Variants in PEX11G observed in about 807,000 individuals in gnomAD.
The protein encoded by PEX11G is peroxisomal membrane protein 11C.
Under a neutral mutation model 22.5 loss-of-function variants are expected in PEX11G, and 20 were observed. The observed-to-expected ratio is 0.89, with a 90% CI of 0.62 to 1.29. The LOEUF is 1.29. Among genes scored for constraint, PEX11G ranks in the 50% most tolerant of loss-of-function variants. The pLI is 0.00. For synonymous variants in PEX11G, 141 were observed against 154.5 expected (o/e 0.91, Z 0.65); for missense variants, 347 against 331.3 (o/e 1.05, Z -0.37).
At chr19:7,478,280 T>G in intron 4 of PEX11G, 34 bp downstream of exon 4, 2 of 1,600,388 alleles carry the variant, frequency 1.2e-6, no homozygotes, top group African/African-American at 1.3e-5. Context: ...CTGGAGGGAG[T>G]GGGCCTCCCT....
At chr19:7,491,405 G>C (rs74176238), upstream of PEX11G, among the ~76,000 whole-genome samples, 14 of 151,622 alleles carry the variant, frequency 9.2e-5, no homozygotes, top group African/African-American at 3.4e-4. Flanking sequence ...AAGTGGCTGA[G>C]AGTACAGGTG....
At chr19:7,479,150 G>C (rs1977376232) in intron 3 of PEX11G, among the ~76,000 whole-genome samples, 1 of 152,190 alleles carries the variant, frequency 6.6e-6, no homozygotes, top group Non-Finnish European at 1.5e-5. Context: ...TGGGGGGCTA[G>C]GGAAAAACAC....
chr19:7,488,781 A>C (rs1568384251), intron 1 of PEX11G, among the ~76,000 whole-genome samples, 170 bp downstream of exon 1: 1 of 152,186 alleles, frequency 6.6e-6, no homozygotes, highest in Admixed American at 6.6e-5. Context: ...CAGCCAAAAT[A>C]AATAAATACA....
intron 2 of PEX11G, among the ~76,000 whole-genome samples, chr19:7,484,962 A>C (rs1023927016): frequency 1.3e-5 from 2 of 152,198 alleles, no homozygotes; most frequent in African/African-American, 4.8e-5. Context: ...TGAAATTTTT[A>C]AAAGTAATAA....
At chr19:7,491,096 A>T (rs1323077934), upstream of PEX11G, 1 of 150,868 alleles carries the variant, frequency 6.6e-6, no homozygotes. Context: ...TAATTCTTTC[A>T]TTGCAAGGAT....
At chr19:7,488,197 G>A (rs2021749231) in intron 1 of PEX11G, among the ~76,000 whole-genome samples, 1 of 152,232 alleles carries the variant, frequency 6.6e-6, no homozygotes, top group African/African-American at 2.4e-5. Flanking sequence ...CAGCCAGGCT[G>A]GGTTGGCAGA....
chr19:7,479,792 C>T (rs535024590), intron 3 of PEX11G, among the ~76,000 whole-genome samples: 12 of 152,332 alleles, frequency 7.9e-5, no homozygotes, highest in African/African-American at 2.4e-4. Context: ...CAAAACCTAG[C>T]GTGAACCCTA....
At chr19:7,486,186 G>T (rs1018061186) in intron 1 of PEX11G, among the ~76,000 whole-genome samples, 160 bp from the exon 2 acceptor site, 2 of 152,126 alleles carry the variant, frequency 1.3e-5, no homozygotes, top group Admixed American at 1.3e-4. Flanking sequence ...GAGTGCAGTG[G>T]CACGATCTCG....
Position 7,485,843 on chromosome 19 carries a change from C to G in PEX11G, c.244G>C (p.Ala82Pro), listed in dbSNP as rs142752144. 11 of 1,593,596 alleles carry G rather than the reference C, an allele frequency of 6.9e-6. No individual in the cohort carries two copies. The African/African-American group carries it at 1.3e-4, about 19-fold the overall frequency. Residue 82 changes from alanine (A) to proline (P), a missense_variant, in exon 2 of 5, where the codon GCA (alanine) becomes CCA (proline). Physicochemically the swap from Ala to Pro is conservative, Grantham distance 27 (BLOSUM62 -1). Coordinates refer to ENST00000221480, the MANE Select transcript of PEX11G (RefSeq NM_080662.4). ...AGCCCCACAAACCCTGTTACCTGTG[C>G]CCCCAGGCCATATTGCTTAGTGTAG... The part of the protein sequence containing the change: ...FVYTKQYGLG[A>P]QEEDAFVRCV...
intron 3 of PEX11G, among the ~76,000 whole-genome samples, chr19:7,481,352 C>T (rs1259388462): frequency 2.0e-5 from 3 of 152,148 alleles, no homozygotes; most frequent in East Asian, 1.9e-4. Context: ...AAGTGTGCAC[C>T]ACCAAGCCCA....
chr19:7,479,223 C>T (rs1319922792), intron 3 of PEX11G, among the ~76,000 whole-genome samples: 1 of 152,228 alleles, frequency 6.6e-6, no homozygotes, highest in Non-Finnish European at 1.5e-5. Context: ...ATGGCTCACA[C>T]CTGTAATCCC....
chr19:7,488,470 A>G (rs116272412), intron 1 of PEX11G, among the ~76,000 whole-genome samples: 1,915 of 152,310 alleles, frequency 0.013, 37 homozygotes, highest in African/African-American at 0.043. Context: ...CAGTGTGTCA[A>G]TGTCCAGACA....
upstream of PEX11G, among the ~76,000 whole-genome samples, chr19:7,492,371 G>A (rs536461552): frequency 1.3e-4 from 20 of 152,226 alleles, no homozygotes; most frequent in African/African-American, 4.1e-4. Flanking sequence ...TAGGTGTGAC[G>A]TGCCACCCCA....
upstream of PEX11G, among the ~76,000 whole-genome samples, chr19:7,491,688 G>A (rs1264204244): frequency 1.3e-5 from 2 of 151,988 alleles, no homozygotes; most frequent in African/African-American, 4.8e-5. Flanking sequence ...GGGTCTTGCT[G>A]TGTCACCAGG....
chr19:7,489,497 G>A (rs1486183360), upstream of PEX11G: 3 of 987,968 alleles, frequency 3.0e-6, no homozygotes, highest in East Asian at 3.4e-4. Flanking sequence ...GTTATCTTTG[G>A]ACGTTAAGAA....
intron 3 of PEX11G, among the ~76,000 whole-genome samples, chr19:7,481,136 T>C (rs573343116): frequency 2.0e-5 from 3 of 152,292 alleles, no homozygotes; most frequent in East Asian, 3.9e-4. Context: ...AAAATGTCCA[T>C]GTCCTGAACC....
At position 7,479,111 on chromosome 19, in the gene PEX11G, C is replaced by T. The variant is rs114794678; in HGVS notation, c.429-735G>A. ...ACCCAGGGTGCAGGATGCAGGATAG[C>T]GCCAGTGGCACAGCAGGTGGGAGCC... On this transcript the variant is annotated intron_variant, in intron 3 of 4. Coordinates refer to ENST00000221480, the MANE Select transcript of PEX11G (RefSeq NM_080662.4). Among the ~76,000 whole-genome samples, 605 of 152,304 alleles carry T rather than the reference C, an allele frequency of 4.0e-3. 3 individuals carry two copies. The highest frequency in any genetic ancestry group is 0.014 in the African/African-American group (569 of 41,568).
intron 2 of PEX11G, among the ~76,000 whole-genome samples, chr19:7,483,711 G>C (rs1977612345): frequency 6.6e-6 from 1 of 152,180 alleles, no homozygotes; most frequent in Admixed American, 6.6e-5. Flanking sequence ...GCTGAACACG[G>C]TGGGGTTGGG....
chr19:7,480,247 C>CA (rs59917736), intron 3 of PEX11G, among the ~76,000 whole-genome samples: 18,008 of 135,152 alleles, frequency 0.13, 1,229 homozygotes, highest in East Asian at 0.27. Context: ...CAGCCTGTCT[C>CA]AAAAAAAAAA....
Sources: allele counts gnomAD v4.1 joint callset (sites outside exome capture counted in the v4.1 genomes callset), GRCh38; gene constraint gnomAD v4.1.1; transcripts MANE v1.5; gene names NCBI Gene and HGNC (gene_info 2026-07-23, HGNC 2026-07-21).